The following ADAM33 variants were observed in gnomAD, a reference collection of about 807,000 sequenced individuals.
ADAM33 encodes the protein disintegrin and metalloproteinase domain-containing protein 33.
ADAM33 carries 103 observed loss-of-function variants against 106.2 expected under a neutral mutation model. The ratio of observed to expected loss-of-function variants is 0.97; its 90% CI spans 0.83 to 1.14. The LOEUF is 1.14. Among genes scored for constraint, ADAM33 ranks in the 50% most tolerant of loss-of-function variants. ADAM33 has a pLI of 0.00. For missense variants in ADAM33, 1,120 were observed against 1,096.6 expected, an observed-to-expected ratio of 1.02 and a Z score of -0.30; for synonymous variants, 483 against 453.0, an observed-to-expected ratio of 1.07 and a Z score of -0.84.
chr20:3,681,857 C>T (rs2088529292), intron 1 of ADAM33, 51 bp downstream of exon 1: 2 of 1,576,704 alleles, frequency 1.3e-6, no homozygotes. Flanking sequence ...TCCCCGCCAC[C>T]ACCACCGCGC....
Position 3,672,870 on chromosome 20 carries a change from A to C in ADAM33, c.1162T>G (p.Cys388Gly). ...AAGGCGCGCAGCTGGCGGCGGCTGC[A>C]GGCGCTGAACACGCGCGGAAACGGG... ...GHPFPRVFSA[C>G]SRRQLRAFFR... is the part of the protein sequence containing the mutation. The change falls in exon 12 of 22, where the codon TGC becomes GGC. Residue 388 changes from cysteine (C) to glycine (G), a missense_variant. Coordinates refer to ENST00000356518, the MANE Select transcript of ADAM33 (RefSeq NM_025220.5). 6.3e-7 allele frequency: 1 copy of C among 1,577,638 alleles called. No individual in the cohort carries two copies. Among genetic ancestry groups the C allele is most frequent in the Non-Finnish European group, 8.5e-7 (1 of 1,170,360 alleles).
intron 1 of ADAM33, among the ~76,000 whole-genome samples, chr20:3,680,092 C>T (rs953921153): frequency 6.6e-6 from 1 of 152,140 alleles, no homozygotes; most frequent in Non-Finnish European, 1.5e-5. Flanking sequence ...GGTTTTGGTA[C>T]CCTGGCCCAG....
In ADAM33 at chr20:3,673,513, G is replaced by A; in HGVS notation, c.991-17C>T. 8.8e-6 allele frequency: 13 copies of A among 1,473,462 alleles called. No homozygotes were observed. The highest frequency in any genetic ancestry group is 1.5e-5 in the African/African-American group (1 of 68,038). 91.3% of individuals were successfully genotyped at this position (1,473,462 alleles called of 1,614,324 possible). ...CGAGTGGTCCTGGGGGGCCGTGGGA[G>A]GGCGGTCACTGCGGCCGTAGAGCCT... On this transcript the variant is annotated splice_polypyrimidine_tract_variant and intron_variant, in intron 10 of 21. Coordinates refer to ENST00000356518, the MANE Select transcript of ADAM33 (RefSeq NM_025220.5).
Position 3,668,697 on chromosome 20 carries a change from G to C in ADAM33, c.*266C>G. On this transcript the variant is annotated 3_prime_UTR_variant, in exon 22 of 22. Transcript: ENST00000356518. ...GCCTCCACTGGTGAGGGAGGTCAGGGGCTGTGTGACCTTTGCTTCTGGGAC... is the reference window on the plus strand; with the variant it reads ...GCCTCCACTGGTGAGGGAGGTCAGGCGCTGTGTGACCTTTGCTTCTGGGAC... 1 of 508,710 alleles carries C rather than the reference G, an allele frequency of 2.0e-6. No homozygotes were observed. Among genetic ancestry groups the C allele is most frequent in the East Asian group, 3.7e-5 (1 of 27,200 alleles). The allele number at this position is 508,710 out of a possible 1,614,324, so 31.5% of individuals were successfully genotyped here.
rs530392483 is a variant in ADAM33, at chr20:3,679,911, C to T, written c.98-340G>A. Among the ~76,000 whole-genome samples the T allele has an allele frequency of 9.2e-5, 14 of 152,286 alleles. No homozygotes were observed. In the South Asian group the frequency reaches 1.7e-3, roughly 18 times the overall value. ...GCCAGTGCAGAGGGGAAGGAAAGAG[C>T]GCGGCAGCCTTAGGGATTTTTAGAT... is the stretch of plus-strand genomic sequence containing the variant. On this transcript the variant is annotated intron_variant, in intron 1 of 21. Transcript: ENST00000356518.
chr20:3,674,533 T>C lies in ADAM33; in HGVS notation c.571A>G (p.Thr191Ala). 3 of 1,613,542 alleles carry C rather than the reference T, an allele frequency of 1.9e-6. No individual in the cohort carries two copies. The highest frequency in any genetic ancestry group is 8.5e-7 in the Non-Finnish European group (1 of 1,179,946). Residue 191 changes from threonine to alanine, a missense_variant, in exon 6 of 22, where the codon ACC becomes GCC. Transcript: ENST00000356518. ...HRDPGNKAGM[T>A]SLPGGPQSRG... ...CTCTGGGGACCACCAGGAAGGCTGG[T>C]CATGCCCGCTTTGTTCCCAGGATCC...
intron 21 of ADAM33, 89 bp downstream of exon 21, chr20:3,669,210 C>G: frequency 7.6e-7 from 1 of 1,318,476 alleles, no homozygotes; most frequent in Non-Finnish European, 1.0e-6. Flanking sequence ...AGCCCAGAAA[C>G]CTGATTAGGG....
chr20:3,671,775 C>T lies in ADAM33; in HGVS notation c.1711G>A (p.Ala571Thr), dbSNP rs2146371244. ...GHFLPCAGRD[A>T]LCGKLQCQGG... ...TGGCACTGCAGCTTCCCACACAGGG[C>T]ATCCCTGGGGAGGAAGTAGAGGGGG... Residue 571 changes from alanine to threonine, a missense_variant, in exon 16 of 22, where the codon GCC becomes ACC. Transcript: ENST00000356518. The T allele has an allele frequency of 2.6e-6, 4 of 1,561,852 alleles. No individual in the cohort carries two copies. In the East Asian group the frequency reaches 7.2e-5, roughly 28 times the overall value.
Position 3,674,056 on chromosome 20 carries a change from C to T in ADAM33, c.738+8G>A, listed in dbSNP as rs202098673. The T allele has an allele frequency of 1.2e-6, 2 of 1,614,054 alleles. No individual in the cohort carries two copies. The highest frequency in any genetic ancestry group is 2.2e-5 in the East Asian group (1 of 44,886). On this transcript the variant is annotated splice_region_variant and intron_variant, in intron 8 of 21. Transcript: ENST00000356518. ...CCCCATCACCGCTCTCTCCCCGCCG[C>T]CCCCAACCTGGTCCACGTAGTTGGC...
chr20:3,669,983 T>G, intron 19 of ADAM33: 1 of 460,032 alleles, frequency 2.2e-6, no homozygotes, highest in Non-Finnish European at 4.0e-6. Context: ...TCTGCTCTCC[T>G]TGCCCCTGGG....
intron 2 of ADAM33, 90 bp downstream of exon 2, chr20:3,679,402 C>T (rs898101299): frequency 7.2e-7 from 1 of 1,396,494 alleles, no homozygotes; most frequent in East Asian, 2.5e-5. Context: ...TCTGGGGACC[C>T]CAGCAAAACT....
In ADAM33 at chr20:3,668,827, C is replaced by G; in HGVS notation, c.*136G>C. ...GGAGTGGGTGGGTCGAAGCTCCACT[C>G]GGGGAAGAAACTTCCAAGCTGCCTG... On this transcript the variant is annotated 3_prime_UTR_variant, in exon 22 of 22. Transcript: ENST00000356518. The G allele has an allele frequency of 9.1e-7, 1 of 1,099,126 alleles. No individual in the cohort carries two copies. Among genetic ancestry groups the G allele is most frequent in the Non-Finnish European group, 1.4e-6 (1 of 726,400 alleles). The allele number at this position is 1,099,126 out of a possible 1,614,324, so 68.1% of individuals were successfully genotyped here. A position where few individuals can be genotyped will look rare whatever the true frequency, so the allele number is the denominator to read the frequency against.
At position 3,672,347 on chromosome 20, in the gene ADAM33, G is replaced by A. The variant is rs1314031655; in HGVS notation, c.1402-18C>T. ...GGCTTCAGCTGCGCAGGTGACGGGT[G>A]GTGGGGAAGGCAGAGAGAGGCCACG... On this transcript the variant is annotated intron_variant, in intron 13 of 21. Coordinates refer to ENST00000356518, the MANE Select transcript of ADAM33 (RefSeq NM_025220.5). 4 of 1,609,824 alleles carry A rather than the reference G, an allele frequency of 2.5e-6. No homozygotes were observed. Among genetic ancestry groups the A allele is most frequent in the South Asian group, 1.1e-5 (1 of 90,558 alleles).
At chr20:3,678,803 G>A (rs1176710845) in intron 2 of ADAM33, among the ~76,000 whole-genome samples, 1 of 152,244 alleles carries the variant, frequency 6.6e-6, no homozygotes, top group Non-Finnish European at 1.5e-5. Flanking sequence ...TTGCCCCTCT[G>A]TAAAATGAGC....
rs573785189 is a variant in ADAM33, at chr20:3,673,574, C to A, written c.990G>T (p.Thr330=). 8.7e-6 allele frequency: 12 copies of A among 1,386,726 alleles called. No individual in the cohort carries two copies. In the East Asian group the frequency reaches 2.1e-4, roughly 24 times the overall value. The allele number at this position is 1,386,726 out of a possible 1,614,324, so 85.9% of individuals were successfully genotyped here. Residue 330 remains threonine, a splice_region_variant and synonymous_variant, in exon 10 of 22, where the codon ACG becomes ACT. Coordinates refer to ENST00000356518, the MANE Select transcript of ADAM33 (RefSeq NM_025220.5). The part of the protein sequence containing the change: ...CRAESSGGVS[T]DHSELPIGAA... ...CCTCGCCCCCGCCCGCGGGGCTCAC[C>A]GTGCTCACGCCTCCCGAGCTCTCGG...
rs978869102 is a variant in ADAM33 at position 3,675,486 on chromosome 20, G to A, written c.255-381C>T. 9.2e-5 allele frequency among the ~76,000 whole-genome samples: 14 copies of A among 152,056 alleles called. No individual in the cohort carries two copies. The highest frequency in any genetic ancestry group is 1.9e-4 in the East Asian group (1 of 5,188). ...ATGGGACTTGGAGTTGGGGAAATGCGGTGACCTCCCCCAGTTCCCCTGCCT... is the reference window on the plus strand; with the variant it reads ...ATGGGACTTGGAGTTGGGGAAATGCAGTGACCTCCCCCAGTTCCCCTGCCT... On this transcript the variant is annotated intron_variant, in intron 3 of 21. Coordinates refer to ENST00000356518, the MANE Select transcript of ADAM33 (RefSeq NM_025220.5). This position sits in a 1 kb window ranked among gnomAD's most constrained non-coding sequence, Gnocchi z 4.1.
At position 3,675,293 on chromosome 20, in the gene ADAM33, G is replaced by A. The variant is rs1242522253; in HGVS notation, c.255-188C>T. On this transcript the variant is annotated intron_variant, in intron 3 of 21. Transcript: ENST00000356518. This position sits in a 1 kb window ranked among gnomAD's most constrained non-coding sequence, Gnocchi z 4.1. ...CAGAAACTCTTGGGGCTAGAGGAAGGAGCCTTGGTGATGGCTTAGTTGTGG... is the reference window on the plus strand; with the variant it reads ...CAGAAACTCTTGGGGCTAGAGGAAGAAGCCTTGGTGATGGCTTAGTTGTGG... Among the ~76,000 whole-genome samples, 1 of 152,206 alleles carries A rather than the reference G, an allele frequency of 6.6e-6. No individual in the cohort carries two copies. Among genetic ancestry groups the A allele is most frequent in the Non-Finnish European group, 1.5e-5 (1 of 68,026 alleles).
intron 4 of ADAM33, 42 bp from the exon 5 acceptor site, chr20:3,674,891 G>T: frequency 6.2e-7 from 1 of 1,608,428 alleles, no homozygotes; most frequent in South Asian, 1.1e-5. Context: ...GCCAGGGCTG[G>T]AGCAAGAGGG....
chr20:3,679,381 G>T, intron 2 of ADAM33, 111 bp downstream of exon 2: 4 of 1,128,730 alleles, frequency 3.5e-6, no homozygotes, highest in Non-Finnish European at 3.9e-6. Flanking sequence ...TAGGAGTAGT[G>T]ACTTGGTGGT....
Sources: allele counts gnomAD v4.1 joint callset (sites outside exome capture counted in the v4.1 genomes callset), GRCh38; gene constraint gnomAD v4.1.1; non-coding constraint Gnocchi (gnomAD v3.1); transcripts MANE v1.5; gene names NCBI Gene and HGNC (gene_info 2026-07-23, HGNC 2026-07-21).